EYA2: variants seen among roughly 807,000 people sequenced by gnomAD.
EYA2 encodes EYA transcriptional coactivator and phosphatase 2.
In EYA2, 31 loss-of-function variants were observed where a neutral mutation model predicts 69.2. The observed-to-expected ratio is 0.45, with a 90% CI of 0.34 to 0.60. EYA2 has a LOEUF of 0.60. Ranked by LOEUF, EYA2 falls within the 20% of genes least tolerant of loss-of-function variation. The pLI is 0.02. For missense variants in EYA2, 622 were observed against 701.2 expected, an observed-to-expected ratio of 0.89 and a Z score of 1.28; for synonymous variants, 257 against 279.4, an observed-to-expected ratio of 0.92 and a Z score of 0.80.
intron 1 of EYA2, among the ~76,000 whole-genome samples, chr20:46,938,580 T>C (rs773662117): frequency 1.3e-5 from 2 of 152,072 alleles, no homozygotes; most frequent in Non-Finnish European, 2.9e-5. Flanking sequence ...CCTCCCCACA[T>C]AGGCCTCTTC....
intron 1 of EYA2, among the ~76,000 whole-genome samples, chr20:46,988,823 C>T (rs1189763885): frequency 6.6e-6 from 1 of 152,176 alleles, no homozygotes; most frequent in East Asian, 1.9e-4. Context: ...CCACCTCAGC[C>T]TCTTGAGTAG....
At chr20:47,004,425 G>A (rs564656459) in intron 3 of EYA2, among the ~76,000 whole-genome samples, 1 of 152,342 alleles carries the variant, frequency 6.6e-6, no homozygotes, top group South Asian at 2.1e-4. Context: ...GGGTAGGATA[G>A]GCTATGCTAC....
intron 1 of EYA2, among the ~76,000 whole-genome samples, chr20:46,961,389 T>C (rs1376766496): frequency 6.6e-6 from 1 of 152,178 alleles, no homozygotes; most frequent in African/African-American, 2.4e-5. Flanking sequence ...CTGGCAAGGA[T>C]GCTGAGAAAG....
intron 9 of EYA2, among the ~76,000 whole-genome samples, chr20:47,131,307 A>C (rs1050595013): frequency 1.3e-5 from 2 of 152,178 alleles, no homozygotes; most frequent in African/African-American, 4.8e-5. Context: ...TATCCCTCTC[A>C]ACTATTACAA....
At chr20:47,127,835 C>T (rs1393925051) in intron 9 of EYA2, among the ~76,000 whole-genome samples, 1 of 152,204 alleles carries the variant, frequency 6.6e-6, no homozygotes, top group Admixed American at 6.5e-5. Flanking sequence ...GTGTTTCTAT[C>T]TGGAAGGACT....
chr20:46,965,038 G>GT (rs1222981573), intron 1 of EYA2, among the ~76,000 whole-genome samples: 1 of 152,176 alleles, frequency 6.6e-6, no homozygotes, highest in African/African-American at 2.4e-5. Context: ...TCAAATTCAC[G>GT]TAACTTGTGA....
chr20:47,010,610 C>G (rs964400769), intron 4 of EYA2, among the ~76,000 whole-genome samples: 3 of 137,624 alleles, frequency 2.2e-5, no homozygotes, highest in African/African-American at 8.2e-5. Flanking sequence ...GCCTGGGTGA[C>G]AGAGTGAAAT....
At chr20:47,080,353 A>G (rs1341757842) in intron 7 of EYA2, among the ~76,000 whole-genome samples, 2 of 151,482 alleles carry the variant, frequency 1.3e-5, no homozygotes, top group African/African-American at 2.4e-5. Flanking sequence ...CTTAAAGGGA[A>G]ACTTACAGCA....
At chr20:46,908,914 T>C (rs1984505725) in intron 1 of EYA2, among the ~76,000 whole-genome samples, 1 of 123,980 alleles carries the variant, frequency 8.1e-6, no homozygotes, top group Non-Finnish European at 1.6e-5. Flanking sequence ...TTTTACCAAT[T>C]CCTGACCAGA....
intron 5 of EYA2, among the ~76,000 whole-genome samples, chr20:47,038,385 G>A (rs1283445532): frequency 1.3e-5 from 2 of 152,208 alleles, no homozygotes; most frequent in Non-Finnish European, 2.9e-5. Context: ...CAGCTACTCA[G>A]GAGGCTAAGG....
At chr20:47,185,476 A>G (rs1365068238) in intron 15 of EYA2, among the ~76,000 whole-genome samples, 1 of 151,570 alleles carries the variant, frequency 6.6e-6, no homozygotes, top group Non-Finnish European at 1.5e-5. Context: ...AATTTTTTGT[A>G]ATTTTAATAG....
intron 5 of EYA2, among the ~76,000 whole-genome samples, chr20:47,027,655 G>A (rs1984173667): frequency 1.3e-5 from 2 of 152,202 alleles, no homozygotes; most frequent in African/African-American, 4.8e-5. Context: ...TGGAGAGATT[G>A]AGAATGAGTT....
At chr20:47,158,168 C>T (rs1038729692) in intron 10 of EYA2, among the ~76,000 whole-genome samples, 15 of 151,904 alleles carry the variant, frequency 9.9e-5, no homozygotes, top group African/African-American at 3.1e-4. Context: ...CCCCTTGCCT[C>T]GTAACACACC....
At chr20:46,898,660 AC>A (rs1453932258) in intron 1 of EYA2, among the ~76,000 whole-genome samples, 1 of 152,116 alleles carries the variant, frequency 6.6e-6, no homozygotes, top group Non-Finnish European at 1.5e-5. Flanking sequence ...TTTGACTAAC[AC>A]CCTTTTCTAG....
intron 10 of EYA2, among the ~76,000 whole-genome samples, chr20:47,153,678 T>C (rs770761283): frequency 2.7e-5 from 4 of 149,740 alleles, no homozygotes; most frequent in Non-Finnish European, 1.5e-5. Flanking sequence ...GACTGAGAAG[T>C]TAGTGAAAGT....
intron 5 of EYA2, among the ~76,000 whole-genome samples, chr20:47,036,376 C>T (rs1984711079): frequency 6.6e-6 from 1 of 152,216 alleles, no homozygotes; most frequent in South Asian, 2.1e-4. Context: ...TAAAGACAGA[C>T]TCCTGCTGTT....
intron 1 of EYA2, among the ~76,000 whole-genome samples, chr20:46,957,054 C>G (rs1979166186): frequency 6.6e-6 from 1 of 152,158 alleles, no homozygotes; most frequent in South Asian, 2.1e-4. Flanking sequence ...CAGAGCCAAA[C>G]CATATCACTT....
At chr20:47,132,592 C>A (rs1022998945) in intron 9 of EYA2, among the ~76,000 whole-genome samples, 1 of 152,190 alleles carries the variant, frequency 6.6e-6, no homozygotes, top group East Asian at 1.9e-4. Flanking sequence ...AGGTGATGTA[C>A]CTGGGGAATG....
At chr20:47,048,283 C>T (rs1250254071) in intron 5 of EYA2, among the ~76,000 whole-genome samples, 1 of 152,066 alleles carries the variant, frequency 6.6e-6, no homozygotes, top group African/African-American at 2.4e-5. Context: ...ACGTGGAGAA[C>T]ACATGCTCCA....
Sources: gnomAD v4.1 joint callset for allele counts (sites outside exome capture counted in the v4.1 genomes callset) on GRCh38, gnomAD v4.1.1 for gene constraint, MANE v1.5 for transcripts, NCBI Gene and HGNC (gene_info 2026-07-23, HGNC 2026-07-21) for gene names.